The following C14orf132 variants were observed in gnomAD, a reference collection of about 807,000 sequenced individuals.
The protein encoded by C14orf132 is uncharacterized protein C14orf132.
In C14orf132, 6 loss-of-function variants were observed where a neutral mutation model predicts 5.8. That is an observed-to-expected ratio of 1.03 (90% CI 0.57 to 2.04). C14orf132 has a LOEUF of 2.04. Among genes scored for constraint, C14orf132 ranks in the 30% most tolerant of loss-of-function variants. The pLI, the probability that C14orf132 is intolerant of heterozygous loss-of-function variation, is 0.00. For synonymous variants in C14orf132, 51 were observed against 49.8 expected (o/e 1.02, Z -0.10); for missense variants, 125 against 115.8 (o/e 1.08, Z -0.37).
At chr14:96,074,279 A>G (rs1257096331) in intron 1 of C14orf132, among the ~76,000 whole-genome samples, 1 of 152,180 alleles carries the variant, frequency 6.6e-6, no homozygotes, top group Admixed American at 6.5e-5. Context: ...TTTGTCAGAT[A>G]GATGATTTGT....
At chr14:96,040,071 C>G (rs1168599289) in intron 1 of C14orf132, among the ~76,000 whole-genome samples, 2 of 151,772 alleles carry the variant, frequency 1.3e-5, no homozygotes, top group Non-Finnish European at 2.9e-5. Context: ...GGTCGTTTGT[C>G]CTGTTTTGCT....
chr14:96,086,477 G>A, intron 1 of C14orf132, 34 bp from the exon 2 acceptor site: 3 of 1,529,844 alleles, frequency 2.0e-6, no homozygotes, highest in Non-Finnish European at 1.8e-6. Context: ...AAGCCCCCAT[G>A]GCCCTGGATA....
Position 96,090,445 on chromosome 14 carries a change from G to A in C14orf132, c.*3710G>A, listed in dbSNP as rs983422328. 1.9e-4 allele frequency: 63 copies of A among 334,864 alleles called. 1 individual carries two copies. The highest frequency in any genetic ancestry group is 1.6e-3 in the South Asian group (63 of 40,080). The allele number at this position is 334,864 out of a possible 1,614,324, so 20.7% of individuals were successfully genotyped here. A position where few individuals can be genotyped will look rare whatever the true frequency, so the allele number is the denominator to read the frequency against. On this transcript the variant is annotated 3_prime_UTR_variant, in exon 2 of 2. Coordinates refer to ENST00000555004, the MANE Select transcript of C14orf132 (RefSeq NM_001252507.3). The stretch of plus-strand genomic sequence containing the variant: ...AAAGAGCAACTTACTGCTTTGTGAG[G>A]TTGTGAGTGGCCACCACTGAAGGTC...
intron 1 of C14orf132, among the ~76,000 whole-genome samples, chr14:96,076,521 G>T (rs1481293386): frequency 2.0e-5 from 3 of 152,002 alleles, no homozygotes; most frequent in Admixed American, 2.0e-4. Flanking sequence ...TAGATCAGGG[G>T]TGTCCAACAT....
chr14:96,086,546 C>G lies in C14orf132; in HGVS notation c.63C>G (p.Pro21=), dbSNP rs1050606189. 3 of 1,536,002 alleles carry G rather than the reference C, an allele frequency of 2.0e-6. No individual in the cohort carries two copies. Among genetic ancestry groups the G allele is most frequent in the Non-Finnish European group, 2.6e-6 (3 of 1,146,902 alleles). ...TGGGGGGAGCTTTCATGGACTCGCC[C>G]AACGAGGACTTCAGCACCGAGTACT... The part of the protein sequence containing the change: ...PMMGGAFMDS[P]NEDFSTEYSL... Residue 21 remains proline, a synonymous_variant, in exon 2 of 2, where the codon CCC becomes CCG. Transcript: ENST00000555004.
chr14:96,060,293 G>A (rs1258789919), intron 1 of C14orf132, among the ~76,000 whole-genome samples: 1 of 152,188 alleles, frequency 6.6e-6, no homozygotes, highest in African/African-American at 2.4e-5. Context: ...TGGTGTCACA[G>A]GCCCAGGTCT....
rs147229033 is a variant in C14orf132 at position 96,080,463 on chromosome 14, G to A, written c.28-6048G>A. Among the ~76,000 whole-genome samples the A allele has an allele frequency of 7.0e-3, 1,073 of 152,316 alleles. 10 individuals carry two copies. The highest frequency in any genetic ancestry group is 0.024 in the African/African-American group (1,015 of 41,558). ...AATGGAGGAGGGTCTGGTGGCCCCC[G>A]TATCACAAGCCATCACAATCACCCT... On this transcript the variant is annotated intron_variant, in intron 1 of 1. Coordinates refer to ENST00000555004, the MANE Select transcript of C14orf132 (RefSeq NM_001252507.3).
Position 96,088,250 on chromosome 14 carries a change from G to C in C14orf132, c.*1515G>C, listed in dbSNP as rs1216927912. ...AGGGACATCTTAGTTGTCCAGAAGC[G>C]GCACTCTTCCCTGGAAGCCGCCATG... On this transcript the variant is annotated 3_prime_UTR_variant, in exon 2 of 2. Transcript: ENST00000555004. The C allele has an allele frequency of 6.6e-6, 1 of 152,132 alleles. No homozygotes were observed. Among genetic ancestry groups the C allele is most frequent in the Non-Finnish European group, 1.5e-5 (1 of 68,036 alleles). The allele number at this position is 152,132 out of a possible 1,614,324, so 9.4% of individuals were successfully genotyped here. A position where few individuals can be genotyped will look rare whatever the true frequency, so the allele number is the denominator to read the frequency against.
rs114869626 is a variant in C14orf132, at chr14:96,042,065, A to G, written c.27+2538A>G. On this transcript the variant is annotated intron_variant, in intron 1 of 1. Transcript: ENST00000555004. ...AGAAGATGGTGAATTCAAAGTGTCA[A>G]ATGCCAATGCCACTGAACAGCTGTC... is the stretch of plus-strand genomic sequence containing the variant. 1.2e-3 allele frequency among the ~76,000 whole-genome samples: 182 copies of G among 152,360 alleles called. 1 individual carries two copies. Among genetic ancestry groups the G allele is most frequent in the African/African-American group, 4.3e-3 (179 of 41,574 alleles).
chr14:96,060,464 T>C (rs12887214), intron 1 of C14orf132, among the ~76,000 whole-genome samples: 93,613 of 152,056 alleles, frequency 0.62, 29,487 homozygotes, highest in East Asian at 0.89. Context: ...AGAGTTCCAG[T>C]GCCGTGCATG....
chr14:96,093,727 T>A lies in C14orf132; in HGVS notation c.*6992T>A, dbSNP rs1370067594. ...CATGCGATCACTGACTTCTCTACAGTGAAGACTCTTTCTTAATAAAGGATT... is the reference window on the plus strand; with the variant it reads ...CATGCGATCACTGACTTCTCTACAGAGAAGACTCTTTCTTAATAAAGGATT... On this transcript the variant is annotated 3_prime_UTR_variant, in exon 2 of 2. Transcript: ENST00000555004. 6.6e-6 allele frequency: 1 copy of A among 152,246 alleles called. No homozygotes were observed. Among genetic ancestry groups the A allele is most frequent in the Non-Finnish European group, 1.5e-5 (1 of 68,042 alleles). The allele number at this position is 152,246 out of a possible 1,614,324, so 9.4% of individuals were successfully genotyped here.
intron 1 of C14orf132, among the ~76,000 whole-genome samples, chr14:96,079,453 A>G (rs1010300817): frequency 1.3e-5 from 2 of 151,558 alleles, no homozygotes; most frequent in Non-Finnish European, 2.9e-5. Context: ...TCTCTGTGAA[A>G]GTGCACATGA....
chr14:96,082,861 G>A (rs1888068514), intron 1 of C14orf132, among the ~76,000 whole-genome samples: 1 of 152,174 alleles, frequency 6.6e-6, no homozygotes. Context: ...CAACAATCTC[G>A]CTGGTTGGAC....
chr14:96,091,351 A>G lies in C14orf132; in HGVS notation c.*4616A>G. 1 of 293,378 alleles carries G rather than the reference A, an allele frequency of 3.4e-6. No homozygotes were observed. Among genetic ancestry groups the G allele is most frequent in the Non-Finnish European group, 6.6e-6 (1 of 151,716 alleles). 18.2% of individuals were successfully genotyped at this position (293,378 alleles called of 1,614,324 possible). Reference sequence around the variant, plus strand: ...TTATCAGTTCCAGAACCTCACAGTGATAAGAGGCTTTAGAGAGCATCTAAT... The same window carrying G: ...TTATCAGTTCCAGAACCTCACAGTGGTAAGAGGCTTTAGAGAGCATCTAAT... On this transcript the variant is annotated 3_prime_UTR_variant, in exon 2 of 2. Transcript: ENST00000555004.
rs1888401674 is a variant in C14orf132, at chr14:96,091,426, A to T, written c.*4691A>T. ...AGCAGCTGAGGCCGTGTGGAAAATT[A>T]GTGGAGAGCTGACAAGTGTCTGGGC... On this transcript the variant is annotated 3_prime_UTR_variant, in exon 2 of 2. Transcript: ENST00000555004. 1 of 204,860 alleles carries T rather than the reference A, an allele frequency of 4.9e-6. No homozygotes were observed. The highest frequency in any genetic ancestry group is 9.9e-6 in the Non-Finnish European group (1 of 101,024). 12.7% of individuals were successfully genotyped at this position (204,860 alleles called of 1,614,324 possible). A position where few individuals can be genotyped will look rare whatever the true frequency, so the allele number is the denominator to read the frequency against.
At chr14:96,049,600 G>GTATATATATACATATATA (rs1566823823) in intron 1 of C14orf132, among the ~76,000 whole-genome samples, 1 of 108,132 alleles carries the variant, frequency 9.2e-6, no homozygotes, top group African/African-American at 3.8e-5. Flanking sequence ...ACATATATAC[G>GTATATATATACATATATA]TATATATATA....
At position 96,089,394 on chromosome 14, in the gene C14orf132, C is replaced by A. The variant is rs1381116280; in HGVS notation, c.*2659C>A. The A allele has an allele frequency of 1.3e-5, 2 of 152,542 alleles. No individual in the cohort carries two copies. Among genetic ancestry groups the A allele is most frequent in the African/African-American group, 4.8e-5 (2 of 41,460 alleles). The allele number at this position is 152,542 out of a possible 1,614,324, so 9.4% of individuals were successfully genotyped here. A position where few individuals can be genotyped will look rare whatever the true frequency, so the allele number is the denominator to read the frequency against. ...GGCTCAGAGGAGTGAAGTTGCCTTCCTGAGGTCACACAGCATGAAAGTGAT... is the reference window on the plus strand; with the variant it reads ...GGCTCAGAGGAGTGAAGTTGCCTTCATGAGGTCACACAGCATGAAAGTGAT... On this transcript the variant is annotated 3_prime_UTR_variant, in exon 2 of 2. Transcript: ENST00000555004.
intron 1 of C14orf132, among the ~76,000 whole-genome samples, chr14:96,085,988 T>TCA (rs10558318): frequency 0.042 from 6,240 of 148,830 alleles, 326 homozygotes; most frequent in East Asian, 0.3. Context: ...TCTCTCTCTG[T>TCA]CACACACACA....
chr14:96,040,795 T>A (rs1177514814), intron 1 of C14orf132, among the ~76,000 whole-genome samples: 1 of 152,078 alleles, frequency 6.6e-6, no homozygotes, highest in Non-Finnish European at 1.5e-5. Flanking sequence ...AATCCATACT[T>A]ATAAAAATTG....
Sources: allele counts gnomAD v4.1 joint callset (sites outside exome capture counted in the v4.1 genomes callset), GRCh38; gene constraint gnomAD v4.1.1; transcripts MANE v1.5; gene names NCBI Gene and HGNC (gene_info 2026-07-23, HGNC 2026-07-21).